The following PNMT variants were observed in gnomAD, a reference collection of about 807,000 sequenced individuals.
The protein encoded by PNMT is phenylethanolamine N-methyltransferase.
PNMT carries 18 observed loss-of-function variants against 18.9 expected under a neutral mutation model. The observed-to-expected ratio is 0.95, with a 90% CI of 0.66 to 1.41. The LOEUF (loss-of-function observed/expected upper bound fraction) is 1.41. PNMT is among the 40% of genes most tolerant of loss of function. The pLI is 0.00. For synonymous variants in PNMT, 167 were observed against 168.6 expected, an observed-to-expected ratio of 0.99 and a Z score of 0.08; for missense variants, 378 against 387.0, an observed-to-expected ratio of 0.98 and a Z score of 0.20.
Position 39,669,948 on chromosome 17 carries a change from C to T in PNMT, c.411-3C>T, listed in dbSNP as rs60871117. 1.8e-3 allele frequency: 2,878 copies of T among 1,598,146 alleles called. 33 individuals carry two copies. In the East Asian group the frequency reaches 0.029, roughly 16 times the overall value. ...TGAGCCCTGCCTTGTGCCTCCTGCA[C>T]AGGGAATGCTGGCAGGATAAGGAGC... On this transcript the variant is annotated splice_polypyrimidine_tract_variant and splice_region_variant and intron_variant, in intron 2 of 2. Coordinates refer to ENST00000269582, the MANE Select transcript of PNMT (RefSeq NM_002686.4).
Position 39,670,191 on chromosome 17 carries a change from G to A in PNMT, c.651G>A (p.Leu217=). The stretch of plus-strand genomic sequence containing the variant: ...GGCACCTCCTCCTCATCGGGGCCCT[G>A]GAGGAGTCGTGGTACCTGGCTGGGG... ...PGGHLLLIGA[L]EESWYLAGEA... is the part of the protein sequence containing the mutation. Residue 217 remains leucine (L), a synonymous_variant, in exon 3 of 3, where the codon CTG becomes CTA. Coordinates refer to ENST00000269582, the MANE Select transcript of PNMT (RefSeq NM_002686.4). The A allele has an allele frequency of 6.2e-7, 1 of 1,612,186 alleles. No individual in the cohort carries two copies. Among genetic ancestry groups the A allele is most frequent in the South Asian group, 1.1e-5 (1 of 90,912 alleles).
chr17:39,669,965 A>C lies in PNMT; in HGVS notation c.425A>C (p.Asp142Ala), dbSNP rs1597808203. The C allele has an allele frequency of 6.2e-7, 1 of 1,601,132 alleles. No homozygotes were observed. The highest frequency in any genetic ancestry group is 1.1e-5 in the South Asian group (1 of 90,628). ...CTCCTGCACAGGGAATGCTGGCAGG[A>C]TAAGGAGCGCCAGCTGCGAGCCAGG... ...LIEGKGECWQ[D>A]KERQLRARVK... is the part of the protein sequence containing the mutation. The change falls in exon 3 of 3, where the codon GAT becomes GCT. Residue 142 changes from aspartate (D) to alanine (A), a missense_variant. Asp to Ala is a moderately radical substitution (Grantham distance 126). Coordinates refer to ENST00000269582, the MANE Select transcript of PNMT (RefSeq NM_002686.4).
upstream of PNMT, chr17:39,668,448 G>A (rs2145079974): frequency 4.4e-6 from 6 of 1,355,602 alleles, 1 homozygote; most frequent in East Asian, 1.5e-4. Flanking sequence ...CGAGGCGAGC[G>A]GGGCACTGGG....
chr17:39,668,325 G>A, upstream of PNMT: 1 of 551,214 alleles, frequency 1.8e-6, no homozygotes, highest in Non-Finnish European at 2.9e-6. Context: ...AAGGGAGATG[G>A]ATGAATGGGT....
In PNMT at chr17:39,670,253, A is replaced by T. The variant is rs1224674572; in HGVS notation, c.713A>T (p.Glu238Val). The change falls in exon 3 of 3, where the codon GAG becomes GTG. Residue 238 changes from glutamate to valine, a missense_variant. Transcript: ENST00000269582. ...ACGGTGGTGCCAGTGTCTGAGGAGGAGGTGAGGGAGGCCCTGGTGCGTAGT... is the reference window on the plus strand; with the variant it reads ...ACGGTGGTGCCAGTGTCTGAGGAGGTGGTGAGGGAGGCCCTGGTGCGTAGT... Reference protein sequence around the residue: ...RLTVVPVSEEEVREALVRSGY... With the variant: ...RLTVVPVSEEVVREALVRSGY... The T allele has an allele frequency of 6.2e-7, 1 of 1,609,168 alleles. No homozygotes were observed. Among genetic ancestry groups the T allele is most frequent in the Non-Finnish European group, 8.5e-7 (1 of 1,178,524 alleles).
Position 39,668,514 on chromosome 17 carries a change from C to A in PNMT, c.39C>A (p.Ala13=). 1.3e-6 allele frequency: 2 copies of A among 1,535,706 alleles called. No individual in the cohort carries two copies. The highest frequency in any genetic ancestry group is 1.7e-6 in the Non-Finnish European group (2 of 1,146,852). The change falls in exon 1 of 3, where the codon GCC becomes GCA. Residue 13 remains alanine (A), a synonymous_variant. Transcript: ENST00000269582. ...GADRSPNAGA[A]PDSAPGQAAV... ...ACCGTAGCCCCAATGCGGGCGCAGC[C>A]CCTGACTCGGCCCCGGGCCAGGCGG...
rs1299924363 is a variant in PNMT, at chr17:39,670,403, T to C, written c.*14T>C. ...GTTGGGCTGTGAGGGCTGTACCTGGTGCCCTGTGGCCCCCACCCACCTGGA... is the reference window on the plus strand; with the variant it reads ...GTTGGGCTGTGAGGGCTGTACCTGGCGCCCTGTGGCCCCCACCCACCTGGA... On this transcript the variant is annotated 3_prime_UTR_variant, in exon 3 of 3. Transcript: ENST00000269582. 1 of 1,548,656 alleles carries C rather than the reference T, an allele frequency of 6.5e-7. No homozygotes were observed. The highest frequency in any genetic ancestry group is 8.7e-7 in the Non-Finnish European group (1 of 1,146,164).
chr17:39,668,395 C>A, upstream of PNMT: 2 of 1,205,026 alleles, frequency 1.7e-6, no homozygotes, highest in Non-Finnish European at 2.1e-6. Context: ...GCCCCCACAG[C>A]GGACCGGTCG....
Position 39,670,209 on chromosome 17 carries a change from G to A in PNMT, c.669G>A (p.Leu223=). ...GGGCCCTGGAGGAGTCGTGGTACCTGGCTGGGGAGGCCAGGCTGACGGTGG... is the reference window on the plus strand; with the variant it reads ...GGGCCCTGGAGGAGTCGTGGTACCTAGCTGGGGAGGCCAGGCTGACGGTGG... ...LIGALEESWY[L]AGEARLTVVP... The change falls in exon 3 of 3, where the codon CTG becomes CTA. Residue 223 remains leucine (L), a synonymous_variant. Transcript: ENST00000269582. The A allele has an allele frequency of 6.2e-7, 1 of 1,611,706 alleles. No homozygotes were observed.
In PNMT at chr17:39,670,410, T is replaced by G. The variant is rs1275771189; in HGVS notation, c.*21T>G. ...TGTGAGGGCTGTACCTGGTGCCCTG[T>G]GGCCCCCACCCACCTGGATTCCCTG... On this transcript the variant is annotated 3_prime_UTR_variant, in exon 3 of 3. Transcript: ENST00000269582. 1 of 1,530,740 alleles carries G rather than the reference T, an allele frequency of 6.5e-7. No homozygotes were observed. Among genetic ancestry groups the G allele is most frequent in the African/African-American group, 1.4e-5 (1 of 73,120 alleles). The allele number at this position is 1,530,740 out of a possible 1,614,324, so 94.8% of individuals were successfully genotyped here. A position where few individuals can be genotyped will look rare whatever the true frequency, so the allele number is the denominator to read the frequency against.
chr17:39,669,866 G>C, intron 2 of PNMT, 30 bp downstream of exon 2: 1 of 1,602,638 alleles, frequency 6.2e-7, no homozygotes, highest in African/African-American at 1.3e-5. Flanking sequence ...GGTTGGGGAG[G>C]AGGCTTCCCA....
Position 39,669,738 on chromosome 17 carries a change from G to A in PNMT, c.312G>A (p.Glu104=). Residue 104 remains glutamate (E), a synonymous_variant, in exon 2 of 3, where the codon GAG becomes GAA. Transcript: ENST00000269582. The stretch of plus-strand genomic sequence containing the variant: ...ACATCACCATGACAGATTTCCTGGA[G>A]GTCAACCGCCAGGAGCTGGGGCGCT... ...FEDITMTDFL[E]VNRQELGRWL... is the part of the protein sequence containing the mutation. The A allele has an allele frequency of 6.2e-7, 1 of 1,614,128 alleles. No individual in the cohort carries two copies. The highest frequency in any genetic ancestry group is 8.5e-7 in the Non-Finnish European group (1 of 1,179,990).
At chr17:39,668,289 T>A, upstream of PNMT, 1 of 467,904 alleles carries the variant, frequency 2.1e-6, no homozygotes, top group Non-Finnish European at 3.6e-6. Context: ...CCCACTCACC[T>A]CCGGTGTGTC....
chr17:39,668,639 C>T lies in PNMT; in HGVS notation c.164C>T (p.Pro55Leu). ...GDLCNPNGVG[P>L]WKLRCLAQTF... ...CTGTGCAACCCGAACGGCGTCGGGC[C>T]GTGGAAGCTGCGCTGCTTGGCGCAG... The change falls in exon 1 of 3, where the codon CCG (proline) becomes CTG (leucine). Residue 55 changes from proline to leucine, a missense_variant. By Grantham distance (98) the Pro-to-Leu change is moderately conservative. Transcript: ENST00000269582. The T allele has an allele frequency of 6.2e-7, 1 of 1,601,716 alleles. No homozygotes were observed. Among genetic ancestry groups the T allele is most frequent in the South Asian group, 1.1e-5 (1 of 89,538 alleles).
At position 39,669,029 on chromosome 17, in the gene PNMT, T is replaced by C. The variant is rs576357311; in HGVS notation, c.202+352T>C. On this transcript the variant is annotated intron_variant, in intron 1 of 2. Coordinates refer to ENST00000269582, the MANE Select transcript of PNMT (RefSeq NM_002686.4). ...CCTCGCTGAGCCTGGCTGGTAGGTATAGTTGTTTTCTTTCTTTTTCTTTAT... is the reference window on the plus strand; with the variant it reads ...CCTCGCTGAGCCTGGCTGGTAGGTACAGTTGTTTTCTTTCTTTTTCTTTAT... Among the ~76,000 whole-genome samples, 6 of 152,228 alleles carry C rather than the reference T, an allele frequency of 3.9e-5. No homozygotes were observed. In the South Asian group the frequency reaches 8.3e-4, roughly 21 times the overall value.
chr17:39,668,706 A>T (rs1225337928), intron 1 of PNMT, 29 bp downstream of exon 1: 2 of 1,532,116 alleles, frequency 1.3e-6, no homozygotes, highest in African/African-American at 1.4e-5. Flanking sequence ...GGCACGAGGG[A>T]CAAGAGGTCG....
chr17:39,668,846 C>G (rs529426506), intron 1 of PNMT, among the ~76,000 whole-genome samples, 169 bp downstream of exon 1: 1 of 151,554 alleles, frequency 6.6e-6, no homozygotes, highest in Non-Finnish European at 1.5e-5. Flanking sequence ...AGAGCAACAT[C>G]CCTTAGGAGA....
Position 39,668,607 on chromosome 17 carries a change from C to T in PNMT, c.132C>T (p.Arg44=). The T allele has an allele frequency of 6.2e-7, 1 of 1,605,434 alleles. No individual in the cohort carries two copies. Among genetic ancestry groups the T allele is most frequent in the Non-Finnish European group, 8.5e-7 (1 of 1,178,790 alleles). ...AYLRNNYAPP[R]GDLCNPNGVG... ...TCCGCAACAACTACGCGCCCCCTCG[C>T]GGGGACCTGTGCAACCCGAACGGCG... The change falls in exon 1 of 3, where the codon CGC becomes CGT. Residue 44 remains arginine (R), a synonymous_variant. Transcript: ENST00000269582.
chr17:39,668,370 C>T (rs1567866398), upstream of PNMT: 4 of 936,598 alleles, frequency 4.3e-6, no homozygotes, highest in Admixed American at 4.3e-5. Context: ...CCGGGCGGCT[C>T]GGCGGTCAGC....
Sources: gnomAD v4.1 joint callset for allele counts (sites outside exome capture counted in the v4.1 genomes callset) on GRCh38, gnomAD v4.1.1 for gene constraint, MANE v1.5 for transcripts, NCBI Gene and HGNC (gene_info 2026-07-23, HGNC 2026-07-21) for gene names.